ABCC4: variants seen among roughly 807,000 people sequenced by gnomAD.
ABCC4 encodes the protein ATP-binding cassette sub-family C member 4.
In ABCC4, 102 loss-of-function variants were observed where a neutral mutation model predicts 168.5. That is an observed-to-expected ratio of 0.61 (90% CI 0.52 to 0.71). ABCC4 has a LOEUF of 0.71. Ranked by LOEUF, ABCC4 falls within the 30% of genes least tolerant of loss-of-function variation. The probability of loss-of-function intolerance (pLI) is 0.00; values close to 1 mark genes in which losing one functional copy is unlikely to be tolerated. For missense variants in ABCC4, 1,402 were observed against 1,605.8 expected (o/e 0.87, Z 2.17); for synonymous variants, 617 against 590.7 (o/e 1.04, Z -0.65).
chr13:95,237,657 G>C (rs902607331), intron 3 of ABCC4, among the ~76,000 whole-genome samples: 1 of 152,126 alleles, frequency 6.6e-6, no homozygotes, highest in Non-Finnish European at 1.5e-5. Flanking sequence ...TGACATTCGA[G>C]CCCCATCCCT....
At chr13:95,168,826 T>C (rs2037372845) in intron 14 of ABCC4, among the ~76,000 whole-genome samples, 1 of 152,158 alleles carries the variant, frequency 6.6e-6, no homozygotes, top group Non-Finnish European at 1.5e-5. Flanking sequence ...CTCTTATAGG[T>C]TGAATGGTGA....
rs553545052 is a variant in ABCC4 at position 95,176,079 on chromosome 13, A to T, written c.1727+1628T>A. On this transcript the variant is annotated intron_variant, in intron 13 of 30. Transcript: ENST00000645237. The stretch of plus-strand genomic sequence containing the variant: ...CCACAAACCCTTACCAGCCTGCAGG[A>T]CCACAGGCTACTTCCAGCCAAGCCC... Among the ~76,000 whole-genome samples, 3 of 152,072 alleles carry T rather than the reference A, an allele frequency of 2.0e-5. No homozygotes were observed. In the South Asian group the frequency reaches 6.2e-4, roughly 32 times the overall value.
chr13:95,155,588 G>T (rs1039845637), intron 19 of ABCC4, among the ~76,000 whole-genome samples: 7 of 152,058 alleles, frequency 4.6e-5, no homozygotes, highest in South Asian at 2.1e-4. Flanking sequence ...TATGAATCTG[G>T]TTTTTTTGTT....
intron 9 of ABCC4, among the ~76,000 whole-genome samples, chr13:95,191,305 A>G (rs2038244183): frequency 1.3e-5 from 2 of 152,234 alleles, no homozygotes; most frequent in South Asian, 2.1e-4. Context: ...ATATGTGTGT[A>G]TGAAAACTGA....
At position 95,244,651 on chromosome 13, in the gene ABCC4, AAGAAAGAAAG is replaced by A. The variant is rs1388228762; in HGVS notation, c.306+2314_306+2323del. ...AAAGAAAGAAAGAAAGAAAGAAAGA[AAGAAAGAAAG>A]AAAGAAAGAAATCATAGCAGTTCCT... On this transcript the variant is annotated intron_variant, in intron 3 of 30. Coordinates refer to ENST00000645237, the MANE Select transcript of ABCC4 (RefSeq NM_005845.5). Among the ~76,000 whole-genome samples, 45 of 90,196 alleles carry A rather than the reference AAGAAAGAAAG, an allele frequency of 5.0e-4. 5 individuals are homozygous for A. Among genetic ancestry groups the A allele is most frequent in the Non-Finnish European group, 6.8e-4 (30 of 43,854 alleles). 59.2% of individuals were successfully genotyped at this position (90,196 alleles called of 152,430 possible). A position where few individuals can be genotyped will look rare whatever the true frequency, so the allele number is the denominator to read the frequency against.
chr13:95,140,202 C>T (rs192283158), intron 19 of ABCC4, among the ~76,000 whole-genome samples: 26 of 152,312 alleles, frequency 1.7e-4, no homozygotes, highest in Admixed American at 1.4e-3. Context: ...GGTACACCTA[C>T]GGGGCTCTAC....
chr13:95,175,296 C>A (rs1417779561), intron 13 of ABCC4, among the ~76,000 whole-genome samples: 1 of 151,986 alleles, frequency 6.6e-6, no homozygotes, highest in Non-Finnish European at 1.5e-5. Context: ...AACAGAGAAC[C>A]TTTTTTAAAA....
At chr13:95,061,588 ATGTGTTTGTGTGTGTG>A (rs1566381717) in intron 26 of ABCC4, among the ~76,000 whole-genome samples, 2 of 108,712 alleles carry the variant, frequency 1.8e-5, no homozygotes, top group African/African-American at 3.6e-5. Flanking sequence ...TCTCCAGAAT[ATGTGTTTGTGTGTGTG>A]TGTGTGTGTG....
intron 1 of ABCC4, among the ~76,000 whole-genome samples, chr13:95,275,749 C>CA (rs61446542): frequency 0.3 from 42,139 of 141,552 alleles, 6,346 homozygotes; most frequent in East Asian, 0.34. Context: ...GTTTCTGTCT[C>CA]AAAAAAAAAA....
At chr13:95,038,427 C>G (rs764097585) in intron 29 of ABCC4, among the ~76,000 whole-genome samples, 6 of 147,100 alleles carry the variant, frequency 4.1e-5, no homozygotes, top group African/African-American at 1.5e-4. Context: ...GACTAGAATG[C>G]CAGAAAAAAG....
intron 19 of ABCC4, among the ~76,000 whole-genome samples, chr13:95,152,593 T>C (rs754022670): frequency 6.6e-6 from 1 of 152,194 alleles, no homozygotes; most frequent in Non-Finnish European, 1.5e-5. Context: ...ATCATTTTCA[T>C]AAACACTATC....
chr13:95,078,735 G>C (rs1293522135), intron 21 of ABCC4, among the ~76,000 whole-genome samples: 1 of 152,202 alleles, frequency 6.6e-6, no homozygotes, highest in Non-Finnish European at 1.5e-5. Flanking sequence ...GTAGTTCAGA[G>C]AAATCACTAG....
At chr13:95,234,207 A>C (rs554656308) in intron 4 of ABCC4, among the ~76,000 whole-genome samples, 2 of 152,310 alleles carry the variant, frequency 1.3e-5, no homozygotes, top group Non-Finnish European at 2.9e-5. Context: ...ACAACAACAA[A>C]AATTTCCATA....
chr13:95,203,508 C>T (rs770517980), intron 8 of ABCC4, among the ~76,000 whole-genome samples: 3 of 151,918 alleles, frequency 2.0e-5, no homozygotes, highest in East Asian at 3.9e-4. Flanking sequence ...CAGGCATGTA[C>T]CACCATGCCT....
intron 1 of ABCC4, among the ~76,000 whole-genome samples, chr13:95,279,817 T>C (rs529414712): frequency 2.0e-5 from 3 of 152,166 alleles, no homozygotes; most frequent in Admixed American, 1.3e-4. Flanking sequence ...GGGTTCGCCA[T>C]GTTCACGAGC....
intron 13 of ABCC4, among the ~76,000 whole-genome samples, chr13:95,172,165 G>A (rs1470436595): frequency 6.6e-6 from 1 of 151,962 alleles, no homozygotes; most frequent in Non-Finnish European, 1.5e-5. Context: ...TGCTTCTTAG[G>A]CAAATCTCAA....
chr13:95,174,030 G>A (rs772995020), intron 13 of ABCC4, among the ~76,000 whole-genome samples: 105 of 152,336 alleles, frequency 6.9e-4, no homozygotes, highest in Admixed American at 1.4e-3. Context: ...TTTTGAATCA[G>A]CAGCCTGAAT....
chr13:95,273,178 T>C (rs1473690386), intron 1 of ABCC4, among the ~76,000 whole-genome samples: 2 of 152,224 alleles, frequency 1.3e-5, no homozygotes, highest in African/African-American at 4.8e-5. Flanking sequence ...CCCTGAAACT[T>C]CCAAACCTTT....
In ABCC4 at chr13:95,132,065, A is replaced by T. The variant is rs151111679; in HGVS notation, c.2456-16064T>A. Among the ~76,000 whole-genome samples the T allele has an allele frequency of 1.5e-3, 228 of 152,314 alleles. 1 individual carries two copies. The highest frequency in any genetic ancestry group is 5.1e-3 in the African/African-American group (211 of 41,556). On this transcript the variant is annotated intron_variant, in intron 19 of 30. Transcript: ENST00000645237. The stretch of plus-strand genomic sequence containing the variant: ...AGAAGCAACCCAAGACATCAATAAC[A>T]AATGAATGGATAAACGAAAGATGGT...
Sources: allele counts gnomAD v4.1 joint callset (sites outside exome capture counted in the v4.1 genomes callset), GRCh38; gene constraint gnomAD v4.1.1; transcripts MANE v1.5; gene names NCBI Gene and HGNC (gene_info 2026-07-23, HGNC 2026-07-21).